The following MARK1 variants were observed in gnomAD, a reference collection of about 807,000 sequenced individuals.
MARK1 encodes the protein microtubule affinity regulating kinase 1.
In MARK1, 40 loss-of-function variants were observed where a neutral mutation model predicts 96.3. The ratio of observed to expected loss-of-function variants is 0.42; its 90% CI spans 0.32 to 0.54. The LOEUF (loss-of-function observed/expected upper bound fraction) is 0.54. MARK1 is among the 20% of genes least tolerant of loss of function. MARK1 has a pLI of 0.16. For missense variants in MARK1, 719 were observed against 984.6 expected (o/e 0.73, Z 3.61); for synonymous variants, 317 against 341.2 (o/e 0.93, Z 0.78).
chr1:220,537,233 C>T (rs1660765257), intron 1 of MARK1, among the ~76,000 whole-genome samples: 1 of 99,562 alleles, frequency 1.0e-5, no homozygotes, highest in Non-Finnish European at 1.9e-5. Context: ...TGCTATCCCT[C>T]CCCCCTCCCC....
At chr1:220,650,805 C>G (rs904452993) in intron 14 of MARK1, 85 bp downstream of exon 14, 23 of 903,998 alleles carry the variant, frequency 2.5e-5, no homozygotes, top group Non-Finnish European at 3.7e-5. Context: ...CCGAATGGGT[C>G]AGGAGAAAAG....
chr1:220,542,054 C>G lies in MARK1; in HGVS notation c.51+13181C>G, dbSNP rs140064954. On this transcript the variant is annotated intron_variant, in intron 1 of 17. Transcript: ENST00000366917. ...CTATCAGCATCTAAAACCAGTCCCT[C>G]TGGCAGTCCCCTAAAAATCAGAGCA... 6.5e-3 allele frequency among the ~76,000 whole-genome samples: 990 copies of G among 152,292 alleles called. 12 individuals are homozygous for G. Among genetic ancestry groups the G allele is most frequent in the Non-Finnish European group, 0.011 (763 of 68,000 alleles).
intron 9 of MARK1, chr1:220,626,444 A>G (rs1275626068): frequency 2.2e-5 from 12 of 543,150 alleles, no homozygotes; most frequent in African/African-American, 5.7e-5. Context: ...GACAAGTCCT[A>G]TGAGGCCATT....
At chr1:220,541,117 G>T (rs1270138466) in intron 1 of MARK1, among the ~76,000 whole-genome samples, 1 of 152,076 alleles carries the variant, frequency 6.6e-6, no homozygotes, top group Admixed American at 6.6e-5. Flanking sequence ...ATTTTTAGAA[G>T]AGACGGGGTT....
chr1:220,606,651 G>A (rs1666098023), intron 6 of MARK1, among the ~76,000 whole-genome samples: 1 of 152,094 alleles, frequency 6.6e-6, no homozygotes, highest in Non-Finnish European at 1.5e-5. Context: ...GGGCTTTTAT[G>A]GTTTTAGGTC....
At chr1:220,610,053 T>A (rs530671802) in intron 6 of MARK1, among the ~76,000 whole-genome samples, 1 of 152,316 alleles carries the variant, frequency 6.6e-6, no homozygotes, top group South Asian at 2.1e-4. Flanking sequence ...TCAAGGAGTA[T>A]CTTTGGATGT....
intron 1 of MARK1, among the ~76,000 whole-genome samples, chr1:220,572,928 C>T (rs1326886793): frequency 6.6e-6 from 1 of 152,092 alleles, no homozygotes; most frequent in African/African-American, 2.4e-5. Context: ...TGAATTTTGA[C>T]TTGCATTTGA....
chr1:220,581,406 A>G (rs1197971562), intron 3 of MARK1, among the ~76,000 whole-genome samples: 1 of 152,138 alleles, frequency 6.6e-6, no homozygotes, highest in Non-Finnish European at 1.5e-5. Flanking sequence ...GAAATATTCA[A>G]ATATTTTGAA....
chr1:220,548,336 G>A (rs1661637707), intron 1 of MARK1, among the ~76,000 whole-genome samples: 2 of 152,154 alleles, frequency 1.3e-5, no homozygotes, highest in Admixed American at 6.5e-5. Flanking sequence ...GCTTATATTA[G>A]GAAATAATTA....
In MARK1 at chr1:220,661,968, T is replaced by C; in HGVS notation, c.2190T>C (p.Cys730=). 6.2e-7 allele frequency: 1 copy of C among 1,614,118 alleles called. No homozygotes were observed. The highest frequency in any genetic ancestry group is 2.2e-5 in the East Asian group (1 of 44,870). Residue 730 remains cysteine, a synonymous_variant, in exon 18 of 18, where the codon TGT becomes TGC. Transcript: ENST00000366917. The part of the protein sequence containing the change: ...EIRKVLDANN[C]DYEQKERFLL... ...GAAAAGTGTTAGATGCAAATAACTG[T>C]GATTATGAGCAAAAAGAGAGATTTT...
At chr1:220,546,539 A>T (rs1429201038) in intron 1 of MARK1, among the ~76,000 whole-genome samples, 1 of 152,232 alleles carries the variant, frequency 6.6e-6, no homozygotes, top group African/African-American at 2.4e-5. Context: ...TGATGAATAT[A>T]GTTGAACTAA....
At chr1:220,650,092 C>T (rs1558323822) in intron 13 of MARK1, among the ~76,000 whole-genome samples, 1 of 152,180 alleles carries the variant, frequency 6.6e-6, no homozygotes. Context: ...CTGCACACAC[C>T]ACTGTTGGTG....
At chr1:220,554,893 A>G (rs1169465442) in intron 1 of MARK1, among the ~76,000 whole-genome samples, 1 of 152,196 alleles carries the variant, frequency 6.6e-6, no homozygotes, top group African/African-American at 2.4e-5. Context: ...CACTAAACCT[A>G]CAGTTCCCCC....
Position 220,653,061 on chromosome 1 carries a change from GTCA to G in MARK1, c.1737-38_1737-36del, listed in dbSNP as rs1453798182. On this transcript the variant is annotated intron_variant, in intron 15 of 17. Transcript: ENST00000366917. Reference sequence around the variant, plus strand: ...TTTAGCTTGAGTGAAAGGTTTTCTTGTCATTATTCTGAATGATATATCTTAATT... The same window carrying G: ...TTTAGCTTGAGTGAAAGGTTTTCTTGTTATTCTGAATGATATATCTTAATT... 9 of 1,602,778 alleles carry G rather than the reference GTCA, an allele frequency of 5.6e-6. No homozygotes were observed. In the African/African-American group the frequency reaches 1.2e-4, roughly 21 times the overall value.
intron 13 of MARK1, among the ~76,000 whole-genome samples, chr1:220,643,595 CAAG>C (rs1056599256): frequency 6.6e-6 from 1 of 152,024 alleles, no homozygotes; most frequent in African/African-American, 2.4e-5. Context: ...AGATACTCCA[CAAG>C]ATCAACCCCA....
intron 6 of MARK1, among the ~76,000 whole-genome samples, chr1:220,612,327 G>C (rs1666493136): frequency 6.6e-6 from 1 of 152,090 alleles, no homozygotes; most frequent in South Asian, 2.1e-4. Flanking sequence ...TGGGACATAG[G>C]TATTTTAATA....
chr1:220,654,046 G>A lies in MARK1; in HGVS notation c.1988+694G>A, dbSNP rs1200793126. The stretch of plus-strand genomic sequence containing the variant: ...CTACTTAAGCCCTGCGACAGACAAA[G>A]CACTGTGTTAGGTGCAGAACAGAAT... On this transcript the variant is annotated intron_variant, in intron 16 of 17. Coordinates refer to ENST00000366917, the MANE Select transcript of MARK1 (RefSeq NM_018650.5). The surrounding 1 kb of genome is among the most constrained non-coding windows in gnomAD (Gnocchi z 4.0). Among the ~76,000 whole-genome samples the A allele has an allele frequency of 2.0e-5, 3 of 152,202 alleles. No homozygotes were observed. Among genetic ancestry groups the A allele is most frequent in the Admixed American group, 2.0e-4 (3 of 15,278 alleles).
chr1:220,606,598 C>T (rs1267150743), intron 6 of MARK1, among the ~76,000 whole-genome samples: 1 of 152,142 alleles, frequency 6.6e-6, no homozygotes, highest in Non-Finnish European at 1.5e-5. Context: ...GAAGTCCTTG[C>T]CCATGCCTAT....
At chr1:220,589,349 A>C (rs79519498) in intron 3 of MARK1, among the ~76,000 whole-genome samples, 2,748 of 152,270 alleles carry the variant, frequency 0.018, 82 homozygotes, top group African/African-American at 0.063. Flanking sequence ...TAGCAGAGGA[A>C]TGGAAGAGAT....
Sources: allele counts gnomAD v4.1 joint callset (sites outside exome capture counted in the v4.1 genomes callset), GRCh38; gene constraint gnomAD v4.1.1; non-coding constraint Gnocchi (gnomAD v3.1); transcripts MANE v1.5; gene names NCBI Gene and HGNC (gene_info 2026-07-23, HGNC 2026-07-21).